RBM19: variants seen among roughly 807,000 people sequenced by gnomAD.
RBM19 encodes probable RNA-binding protein 19.
Under a neutral mutation model 116.8 loss-of-function variants are expected in RBM19, and 94 were observed. The observed-to-expected ratio is 0.80, with a 90% confidence interval of 0.68 to 0.95. The LOEUF (loss-of-function observed/expected upper bound fraction) is 0.95, where lower values mean the gene tolerates loss of function less well. Among genes scored for constraint, RBM19 ranks in the 40% least tolerant of loss-of-function variants. The pLI, the probability that RBM19 is intolerant of heterozygous loss-of-function variation, is 0.00. For missense variants in RBM19, 1,161 were observed against 1,220.7 expected, an observed-to-expected ratio of 0.95 and a Z score of 0.73; for synonymous variants, 475 against 494.1, an observed-to-expected ratio of 0.96 and a Z score of 0.51.
At chr12:113,920,355 A>G (rs940208971) in intron 19 of RBM19, among the ~76,000 whole-genome samples, 7 of 152,164 alleles carry the variant, frequency 4.6e-5, no homozygotes, top group Non-Finnish European at 8.8e-5. Flanking sequence ...TCCCAGGCCT[A>G]CCACCACCCC....
chr12:113,924,470 A>G (rs1387316247), intron 18 of RBM19, among the ~76,000 whole-genome samples: 1 of 152,198 alleles, frequency 6.6e-6, no homozygotes, highest in Non-Finnish European at 1.5e-5. Flanking sequence ...CTCTAGGTTC[A>G]GAAGGATCTG....
chr12:113,831,826 G>A (rs4767138), intron 23 of RBM19, among the ~76,000 whole-genome samples: 41,178 of 152,108 alleles, frequency 0.27, 5,743 homozygotes, highest in Middle Eastern at 0.42. Flanking sequence ...AGGCTCAGGC[G>A]TGGGGAGTGG....
At chr12:113,858,667 G>A in intron 22 of RBM19, 124 bp downstream of exon 22, 1 of 873,886 alleles carries the variant, frequency 1.1e-6, no homozygotes, top group Non-Finnish European at 1.8e-6. Flanking sequence ...CAGAAACAAA[G>A]GCAAAAAAAG....
At chr12:113,922,450 A>C (rs1868665556) in intron 18 of RBM19, among the ~76,000 whole-genome samples, 1 of 152,186 alleles carries the variant, frequency 6.6e-6, no homozygotes, top group Non-Finnish European at 1.5e-5. Context: ...TGGAAAGATC[A>C]GATAACCACT....
chr12:113,836,994 T>TACAC lies in RBM19; in HGVS notation c.2785+7670_2785+7673dup, dbSNP rs55991489. On this transcript the variant is annotated intron_variant, in intron 23 of 23. Coordinates refer to ENST00000261741, the MANE Select transcript of RBM19 (RefSeq NM_016196.4). ...CATACCTGTCCTCCTACTTACTACA[T>TACAC]ACACACACACACACACACACACACA... Among the ~76,000 whole-genome samples the TACAC allele has an allele frequency of 4.5e-3, 251 of 56,258 alleles. 6 individuals carry two copies. The highest frequency in any genetic ancestry group is 6.9e-3 in the Admixed American group (30 of 4,334). The allele number at this position is 56,258 out of a possible 152,430, so 36.9% of individuals were successfully genotyped here. A position where few individuals can be genotyped will look rare whatever the true frequency, so the allele number is the denominator to read the frequency against.
At chr12:113,834,391 G>A (rs1212783544) in intron 23 of RBM19, among the ~76,000 whole-genome samples, 1 of 152,146 alleles carries the variant, frequency 6.6e-6, no homozygotes, top group East Asian at 1.9e-4. Flanking sequence ...GAGAAAGTGG[G>A]GAGTCACCAT....
downstream of RBM19, chr12:113,818,219 A>AAAAAAG (rs1304892877): frequency 1.3e-5 from 2 of 151,598 alleles, no homozygotes; most frequent in African/African-American, 4.9e-5. Flanking sequence ...GTCTCAAAAA[A>AAAAAAG]AAAAAAAAAA....
intron 21 of RBM19, among the ~76,000 whole-genome samples, chr12:113,892,226 C>G (rs921581706): frequency 3.3e-5 from 5 of 152,126 alleles, no homozygotes; most frequent in African/African-American, 1.2e-4. Flanking sequence ...CAGGCTCGGG[C>G]CTCGGTTCTG....
chr12:113,927,296 C>G, intron 16 of RBM19, 67 bp from the exon 17 acceptor site: 1 of 1,502,776 alleles, frequency 6.7e-7, no homozygotes. Flanking sequence ...TCAAACCCAC[C>G]AGAGCCCTGG....
intron 15 of RBM19, 135 bp from the exon 16 acceptor site, chr12:113,937,271 C>A (rs1870154520): frequency 9.3e-7 from 1 of 1,073,902 alleles, no homozygotes; most frequent in Non-Finnish European, 1.3e-6. Flanking sequence ...CCGGAAGGAG[C>A]CCAGCCCAGA....
intron 5 of RBM19, 150 bp downstream of exon 5, chr12:113,959,060 CAG>C: frequency 1.4e-6 from 1 of 716,608 alleles, no homozygotes; most frequent in East Asian, 2.6e-5. Flanking sequence ...TCAGTGAAGA[CAG>C]ATGCACCTGC....
rs1874460472 is a variant in RBM19, at chr12:113,822,149, T to C, written c.*1075A>G. 1 of 152,226 alleles carries C rather than the reference T, an allele frequency of 6.6e-6. No homozygotes were observed. The highest frequency in any genetic ancestry group is 1.5e-5 in the Non-Finnish European group (1 of 68,056). 9.4% of individuals were successfully genotyped at this position (152,226 alleles called of 1,614,324 possible). On this transcript the variant is annotated 3_prime_UTR_variant, in exon 24 of 24. Transcript: ENST00000261741. ...AGGCACAATTATCACCCCCATTTCC[T>C]AGAGAGAAAAACAGAGGCTCAGCCA...
rs1267632864 is a variant in RBM19, at chr12:113,950,183, T to G, written c.1001-29A>C. ...ACAGAGGACAATGACAGAGGTAAAA[T>G]CTGCAGGCCTTGCAGACACTTGTGG... is the stretch of plus-strand genomic sequence containing the variant. On this transcript the variant is annotated intron_variant, in intron 8 of 23. Coordinates refer to ENST00000261741, the MANE Select transcript of RBM19 (RefSeq NM_016196.4). 5 of 1,550,722 alleles carry G rather than the reference T, an allele frequency of 3.2e-6. No homozygotes were observed. The South Asian group carries it at 5.6e-5, about 17-fold the overall frequency.
intron 21 of RBM19, among the ~76,000 whole-genome samples, chr12:113,905,624 C>T (rs1881990466): frequency 6.6e-6 from 1 of 151,614 alleles, no homozygotes; most frequent in Admixed American, 6.6e-5. Context: ...AAGTGAAGAG[C>T]CTCTGTTCAT....
chr12:113,936,882 TG>T, intron 16 of RBM19, 124 bp downstream of exon 16: 1 of 1,291,066 alleles, frequency 7.7e-7, no homozygotes, highest in Non-Finnish European at 1.1e-6. Context: ...TGAGCCCTGC[TG>T]GTCTCTAGCA....
At chr12:113,929,055 A>C (rs900234127) in intron 16 of RBM19, among the ~76,000 whole-genome samples, 1 of 152,154 alleles carries the variant, frequency 6.6e-6, no homozygotes, top group Non-Finnish European at 1.5e-5. Context: ...GCCTGGCAGA[A>C]GCACCTGGAG....
At chr12:113,950,519 G>T (rs116431852) in intron 8 of RBM19, among the ~76,000 whole-genome samples, 1 of 152,086 alleles carries the variant, frequency 6.6e-6, no homozygotes, top group African/African-American at 2.4e-5. Context: ...CCACCTAGGC[G>T]CTGGAAGCAC....
intron 21 of RBM19, among the ~76,000 whole-genome samples, chr12:113,900,568 G>A (rs1170919583): frequency 7.9e-5 from 12 of 152,168 alleles, no homozygotes; most frequent in African/African-American, 1.9e-4. Flanking sequence ...TGTAATCGCC[G>A]GAGGTCAAGC....
intron 21 of RBM19, among the ~76,000 whole-genome samples, chr12:113,860,963 C>A (rs1291991932): frequency 2.0e-5 from 3 of 152,188 alleles, no homozygotes; most frequent in Non-Finnish European, 4.4e-5. Context: ...ATTACACCTA[C>A]CCTCAGAGGG....
Sources: allele counts gnomAD v4.1 joint callset (sites outside exome capture counted in the v4.1 genomes callset), GRCh38; gene constraint gnomAD v4.1.1; transcripts MANE v1.5; gene names NCBI Gene and HGNC (gene_info 2026-07-23, HGNC 2026-07-21).